TRA2B: variants seen among roughly 807,000 people sequenced by gnomAD.
TRA2B encodes the protein transformer-2 protein homolog beta.
In TRA2B, 14 loss-of-function variants were observed where a neutral mutation model predicts 41.7. The observed-to-expected ratio is 0.34, with a 90% CI of 0.22 to 0.53. The LOEUF is 0.53. TRA2B is among the 20% of genes least tolerant of loss of function. The pLI, the probability that TRA2B is intolerant of heterozygous loss-of-function variation, is 0.95. For synonymous variants in TRA2B, 130 were observed against 128.8 expected, an observed-to-expected ratio of 1.01 and a Z score of -0.06; for missense variants, 167 against 396.8, an observed-to-expected ratio of 0.42 and a Z score of 4.92.
chr3:185,925,391 C>A, intron 3 of TRA2B, 73 bp downstream of exon 3: 1 of 1,550,576 alleles, frequency 6.4e-7, no homozygotes, highest in Admixed American at 1.9e-5. Context: ...GCTCTATTGT[C>A]AAAATCAGCT....
chr3:185,936,410 A>G (rs1744357150), intron 1 of TRA2B: 1 of 985,296 alleles, frequency 1.0e-6, no homozygotes, highest in Non-Finnish European at 1.2e-6. Context: ...TTCGGGAAAA[A>G]CATCAAAAAC....
chr3:185,937,978 G>C lies in TRA2B; in HGVS notation c.-118C>G. 3 of 1,240,652 alleles carry C rather than the reference G, an allele frequency of 2.4e-6. No individual in the cohort carries two copies. The highest frequency in any genetic ancestry group is 3.4e-6 in the Non-Finnish European group (3 of 870,734). 76.9% of individuals were successfully genotyped at this position (1,240,652 alleles called of 1,614,324 possible). ...GACGCGCCGGTCGCCCAGCCGCTCAGAGCCGAAATGCTCCGCACCGCCTCC... is the reference window on the plus strand; with the variant it reads ...GACGCGCCGGTCGCCCAGCCGCTCACAGCCGAAATGCTCCGCACCGCCTCC... On this transcript the variant is annotated 5_prime_UTR_variant, in exon 1 of 9. Coordinates refer to ENST00000453386, the MANE Select transcript of TRA2B (RefSeq NM_004593.3).
chr3:185,936,338 A>G, intron 1 of TRA2B: 1 of 985,354 alleles, frequency 1.0e-6, no homozygotes, highest in Non-Finnish European at 1.2e-6. Flanking sequence ...CAACTTTCTT[A>G]CCCAAGAAAG....
chr3:185,925,240 G>T, intron 3 of TRA2B: 2 of 438,432 alleles, frequency 4.6e-6, no homozygotes, highest in Non-Finnish European at 4.1e-6. Context: ...GATGGGCTAA[G>T]GAGTTACACC....
intron 1 of TRA2B, 119 bp downstream of exon 1, chr3:185,937,705 TC>T (rs1744423508): frequency 2.1e-6 from 3 of 1,415,082 alleles, no homozygotes; most frequent in Non-Finnish European, 3.0e-6. Flanking sequence ...TTGCCTGCCC[TC>T]CCGGCTTCAG....
In TRA2B at chr3:185,935,898, G is replaced by GA. The variant is rs199549825; in HGVS notation, c.36+1926dup. On this transcript the variant is annotated intron_variant, in intron 1 of 8. Transcript: ENST00000453386. The stretch of plus-strand genomic sequence containing the variant: ...CCAGAAAGCGAAGACTCTTATGTAA[G>GA]AAAAAAAACTCAATTTTTAACACAT... 140 of 984,118 alleles carry GA rather than the reference G, an allele frequency of 1.4e-4. No individual in the cohort carries two copies. In the East Asian group the frequency reaches 3.0e-3, roughly 21 times the overall value. The allele number at this position is 984,118 out of a possible 1,614,324, so 61.0% of individuals were successfully genotyped here.
intron 1 of TRA2B, chr3:185,935,142 C>A: frequency 1.0e-6 from 1 of 985,434 alleles, no homozygotes; most frequent in Non-Finnish European, 1.2e-6. Flanking sequence ...GTAATTGTGA[C>A]TTAAAGGCCA....
At chr3:185,932,091 A>G (rs1348063615) in intron 1 of TRA2B, among the ~76,000 whole-genome samples, 1 of 152,194 alleles carries the variant, frequency 6.6e-6, no homozygotes, top group Non-Finnish European at 1.5e-5. Context: ...TTGAATGTGA[A>G]GTGCGCCACT....
At position 185,920,139 on chromosome 3, in the gene TRA2B, AAAAAGCCAC is replaced by A. The variant is rs1560562471; in HGVS notation, c.723-652_723-644del. 3.8e-3 allele frequency among the ~76,000 whole-genome samples: 584 copies of A among 152,346 alleles called. 4 individuals are homozygous for A. The highest frequency in any genetic ancestry group is 0.013 in the African/African-American group (558 of 41,574). Reference sequence around the variant, plus strand: ...GAAATACCAAATTTTTGGCAAAAATAAAAAGCCACATACCCTTGTCATACTAAATTAACA... The same window carrying A: ...GAAATACCAAATTTTTGGCAAAAATAATACCCTTGTCATACTAAATTAACA... On this transcript the variant is annotated intron_variant, in intron 6 of 8. Coordinates refer to ENST00000453386, the MANE Select transcript of TRA2B (RefSeq NM_004593.3).
rs373007507 is a variant in TRA2B at position 185,933,297 on chromosome 3, T to C, written c.36+4528A>G. 3.9e-5 allele frequency among the ~76,000 whole-genome samples: 6 copies of C among 152,326 alleles called. No homozygotes were observed. In the East Asian group the frequency reaches 1.2e-3, roughly 29 times the overall value. On this transcript the variant is annotated intron_variant, in intron 1 of 8. Transcript: ENST00000453386. Reference sequence around the variant, plus strand: ...CCCTTCCTAACCTGGTTCCTTCTCTTATAGTCTAAGAACAAAACCATTACT... The same window carrying C: ...CCCTTCCTAACCTGGTTCCTTCTCTCATAGTCTAAGAACAAAACCATTACT...
At chr3:185,918,794 AG>A (rs1375398065) in intron 7 of TRA2B, among the ~76,000 whole-genome samples, 1 of 152,080 alleles carries the variant, frequency 6.6e-6, no homozygotes, top group Non-Finnish European at 1.5e-5. Flanking sequence ...GGATCACTTG[AG>A]GCCAGGAGTT....
In TRA2B at chr3:185,917,469, T is replaced by G; in HGVS notation, c.*246A>C. ...TAGAAACTTCTCAGCAGTCAAAATT[T>G]AGACTGTAAAAAAATACATGCAAAA... On this transcript the variant is annotated 3_prime_UTR_variant, in exon 9 of 9. Transcript: ENST00000453386. 2.2e-6 allele frequency: 1 copy of G among 464,528 alleles called. No individual in the cohort carries two copies. Among genetic ancestry groups the G allele is most frequent in the East Asian group, 3.5e-5 (1 of 28,746 alleles). The allele number at this position is 464,528 out of a possible 1,614,324, so 28.8% of individuals were successfully genotyped here.
At chr3:185,937,410 G>T (rs1000323777) in intron 1 of TRA2B, 2 of 1,009,970 alleles carry the variant, frequency 2.0e-6, no homozygotes, top group African/African-American at 3.4e-5. Context: ...CCGCGTTGCC[G>T]CGCGGCTTCT....
At chr3:185,937,439 G>C in intron 1 of TRA2B, 1 of 1,034,004 alleles carries the variant, frequency 9.7e-7, no homozygotes, top group African/African-American at 1.7e-5. Flanking sequence ...TTGTGCCTCT[G>C]GCAGCTCGCC....
chr3:185,931,176 G>A (rs914581577), intron 1 of TRA2B, among the ~76,000 whole-genome samples: 3 of 152,190 alleles, frequency 2.0e-5, no homozygotes, highest in Admixed American at 6.5e-5. Context: ...TGGTTTAACA[G>A]AAAATATTCT....
intron 1 of TRA2B, 83 bp downstream of exon 1, chr3:185,937,739 TGCC>T: frequency 6.3e-7 from 1 of 1,587,292 alleles, no homozygotes. Flanking sequence ...AAAACGCCCC[TGCC>T]TCCTGGCCCG....
Position 185,916,765 on chromosome 3 carries a change from A to T in TRA2B, c.*950T>A, listed in dbSNP as rs950953954. On this transcript the variant is annotated 3_prime_UTR_variant, in exon 9 of 9. Transcript: ENST00000453386. ...AACATTTTTCTTTTCATTTGCGTTT[A>T]TTTAAACACAGTTCTCAAAACATTT... The T allele has an allele frequency of 1.3e-5, 2 of 152,640 alleles. No individual in the cohort carries two copies. Among genetic ancestry groups the T allele is most frequent in the African/African-American group, 2.4e-5 (1 of 41,472 alleles). 9.5% of individuals were successfully genotyped at this position (152,640 alleles called of 1,614,324 possible).
chr3:185,934,539 G>C (rs981668497), intron 1 of TRA2B: 1 of 985,160 alleles, frequency 1.0e-6, no homozygotes, highest in Non-Finnish European at 1.2e-6. Flanking sequence ...TATTTCAACC[G>C]GGTTTCAAGA....
intron 1 of TRA2B, chr3:185,937,438 T>A (rs892252815): frequency 9.7e-7 from 1 of 1,032,934 alleles, no homozygotes; most frequent in Non-Finnish European, 1.2e-6. Context: ...TTTGTGCCTC[T>A]GGCAGCTCGC....
Sources: gnomAD v4.1 joint callset for allele counts (sites outside exome capture counted in the v4.1 genomes callset) on GRCh38, gnomAD v4.1.1 for gene constraint, MANE v1.5 for transcripts, NCBI Gene and HGNC (gene_info 2026-07-23, HGNC 2026-07-21) for gene names.